GLIS3: variants seen among roughly 807,000 people sequenced by gnomAD.
The protein encoded by GLIS3 is GLIS family zinc finger 3, also known as zinc finger protein GLIS3.
GLIS3 carries 53 observed loss-of-function variants against 78.6 expected under a neutral mutation model. The observed-to-expected ratio is 0.67, with a 90% confidence interval of 0.54 to 0.85. The LOEUF (loss-of-function observed/expected upper bound fraction) is 0.85, where lower values mean the gene tolerates loss of function less well. Among genes scored for constraint, GLIS3 ranks in the 40% least tolerant of loss-of-function variants. The pLI is 0.00. For missense variants in GLIS3, 1,703 were observed against 1,231.1 expected (o/e 1.38, Z -5.74); for synonymous variants, 684 against 509.9 (o/e 1.34, Z -4.60).
intron 4 of GLIS3, among the ~76,000 whole-genome samples, chr9:3,962,072 T>G (rs1168043837): frequency 1.3e-5 from 2 of 151,920 alleles, no homozygotes; most frequent in Non-Finnish European, 2.9e-5. Flanking sequence ...TTTAAAAAAT[T>G]AGTCAAGTGT....
At chr9:4,070,498 G>A (rs1034611098) in intron 4 of GLIS3, among the ~76,000 whole-genome samples, 63 of 151,546 alleles carry the variant, frequency 4.2e-4, no homozygotes, top group African/African-American at 1.4e-3. Flanking sequence ...GTGCATGTGC[G>A]TAAGTATTTG....
the GLIS3 span, among the ~76,000 whole-genome samples, chr9:4,457,440 G>C: frequency 3.9e-5 from 6 of 152,180 alleles, no homozygotes; most frequent in African/African-American, 1.2e-4. Context: ...GAGGAAAAGA[G>C]ATATTTAGTG....
chr9:4,394,629 C>T, the GLIS3 span, among the ~76,000 whole-genome samples: 1 of 152,162 alleles, frequency 6.6e-6, no homozygotes, highest in East Asian at 1.9e-4. Flanking sequence ...AAAAGGTCAG[C>T]TTCATATCTT....
intron 4 of GLIS3, among the ~76,000 whole-genome samples, chr9:3,980,858 C>T (rs1405115039): frequency 6.6e-6 from 1 of 152,130 alleles, no homozygotes; most frequent in African/African-American, 2.4e-5. Context: ...TCCCTACTTC[C>T]AGCTGCCAGC....
intron 7 of GLIS3, among the ~76,000 whole-genome samples, chr9:3,886,683 T>C (rs1462875425): frequency 6.6e-6 from 1 of 152,238 alleles, no homozygotes; most frequent in African/African-American, 2.4e-5. Context: ...ATACAAGGTC[T>C]GGTACCTTCT....
intron 4 of GLIS3, among the ~76,000 whole-genome samples, chr9:4,009,711 G>A (rs536200381): frequency 3.3e-5 from 5 of 152,336 alleles, no homozygotes; most frequent in African/African-American, 7.2e-5. Flanking sequence ...ACAAATGTCA[G>A]GCACCACCAG....
chr9:3,981,727 G>A (rs1257768281), intron 4 of GLIS3, among the ~76,000 whole-genome samples: 2 of 152,144 alleles, frequency 1.3e-5, no homozygotes, highest in Non-Finnish European at 2.9e-5. Flanking sequence ...CAGTGTAGCT[G>A]GTTTTCTGGG....
At chr9:3,864,528 G>GCCAAGT (rs2130327973) in intron 8 of GLIS3, among the ~76,000 whole-genome samples, 1 of 152,288 alleles carries the variant, frequency 6.6e-6, no homozygotes, top group South Asian at 2.1e-4. Flanking sequence ...CAGTACTCCT[G>GCCAAGT]CCAAGTGTGG....
the GLIS3 span, among the ~76,000 whole-genome samples, chr9:4,425,612 G>A: frequency 6.6e-6 from 1 of 152,234 alleles, no homozygotes; most frequent in East Asian, 1.9e-4. Flanking sequence ...GCAATGGGTA[G>A]AGATCCTTCC....
chr9:3,972,470 T>C (rs1296410111), intron 4 of GLIS3, among the ~76,000 whole-genome samples: 1 of 152,192 alleles, frequency 6.6e-6, no homozygotes, highest in East Asian at 1.9e-4. Flanking sequence ...ATGGGGAGCT[T>C]CCCAAAGGAA....
At chr9:3,879,405 A>G (rs1370477331) in intron 8 of GLIS3, 22 bp downstream of exon 8, 2 of 1,611,680 alleles carry the variant, frequency 1.2e-6, no homozygotes, top group Non-Finnish European at 1.7e-6. Flanking sequence ...ACCTATTAGG[A>G]GAGAGAGACA....
At chr9:4,308,107 G>T (rs562867274) in intron 4 of GLIS3, among the ~76,000 whole-genome samples, 1 of 152,092 alleles carries the variant, frequency 6.6e-6, no homozygotes, top group Non-Finnish European at 1.5e-5. Context: ...GCCTGGCCAC[G>T]TGCATCCCAT....
chr9:4,439,111 C>T, the GLIS3 span, among the ~76,000 whole-genome samples: 1 of 152,180 alleles, frequency 6.6e-6, no homozygotes, highest in Admixed American at 6.5e-5. Flanking sequence ...TTACCCCTTT[C>T]TCTCTCTGTG....
chr9:4,339,166 G>A (rs530040873), intron 2 of GLIS3, among the ~76,000 whole-genome samples: 34 of 152,264 alleles, frequency 2.2e-4, no homozygotes, highest in African/African-American at 8.2e-4. Context: ...TATATTTGGT[G>A]GCATAGATAG....
intron 4 of GLIS3, among the ~76,000 whole-genome samples, chr9:4,026,329 C>A (rs553808055): frequency 1.3e-5 from 2 of 152,156 alleles, no homozygotes; most frequent in Non-Finnish European, 2.9e-5. Flanking sequence ...TCCTAGCAAA[C>A]ACAAATTATT....
chr9:4,350,858 G>C (rs549481729), upstream of GLIS3, among the ~76,000 whole-genome samples: 130 of 152,146 alleles, frequency 8.5e-4, no homozygotes, highest in African/African-American at 2.9e-3. Flanking sequence ...GTCTCCTCAG[G>C]ACTTTCCCTA....
intron 2 of GLIS3, among the ~76,000 whole-genome samples, chr9:4,342,880 G>A (rs1817854825): frequency 6.6e-6 from 1 of 152,144 alleles, no homozygotes; most frequent in Non-Finnish European, 1.5e-5. Context: ...TTGTGTTCTT[G>A]ATTTGGCTCT....
intron 8 of GLIS3, among the ~76,000 whole-genome samples, chr9:3,879,021 G>T (rs1821529949): frequency 6.6e-6 from 1 of 152,136 alleles, no homozygotes. Flanking sequence ...AGTATTCAAT[G>T]AGCAGCCTAC....
intron 4 of GLIS3, among the ~76,000 whole-genome samples, chr9:4,064,280 G>T (rs1183180670): frequency 6.6e-6 from 1 of 151,950 alleles, no homozygotes; most frequent in African/African-American, 2.4e-5. Context: ...AATTATAAAA[G>T]TATTAGAAAA....
Sources: gnomAD v4.1 joint callset for allele counts (sites outside exome capture counted in the v4.1 genomes callset) on GRCh38, gnomAD v4.1.1 for gene constraint, MANE v1.5 for transcripts, NCBI Gene and HGNC (gene_info 2026-07-23, HGNC 2026-07-21) for gene names.